MAP3K21: variants seen among roughly 807,000 people sequenced by gnomAD.
MAP3K21 encodes mitogen-activated protein kinase kinase kinase MLK4.
MAP3K21 carries 63 observed loss-of-function variants against 86.1 expected under a neutral mutation model. The ratio of observed to expected loss-of-function variants is 0.73; its 90% CI spans 0.60 to 0.90. The LOEUF is 0.90. Among genes scored for constraint, MAP3K21 ranks in the 40% least tolerant of loss-of-function variants. MAP3K21 has a pLI of 0.00. For missense variants in MAP3K21, 1,220 were observed against 1,367.7 expected (o/e 0.89, Z 1.70); for synonymous variants, 558 against 564.8 (o/e 0.99, Z 0.17).
chr1:233,372,192 G>T, intron 6 of MAP3K21, 32 bp downstream of exon 6: 3 of 1,610,728 alleles, frequency 1.9e-6, no homozygotes, highest in Non-Finnish European at 1.7e-6. Context: ...GGGGGCTCCT[G>T]TGTTGACTTC....
Position 233,355,017 on chromosome 1 carries a change from A to G in MAP3K21, c.1311+6A>G. The G allele has an allele frequency of 1.2e-6, 2 of 1,602,852 alleles. No individual in the cohort carries two copies. Among genetic ancestry groups the G allele is most frequent in the Non-Finnish European group, 1.7e-6 (2 of 1,171,588 alleles). ...AGTTGAGAACAAAGGAAAAGGTGAG[A>G]GAAATTTTTAAACAGCATAATGTAC... On this transcript the variant is annotated splice_donor_region_variant and intron_variant, in intron 4 of 9. Coordinates refer to ENST00000366624, the MANE Select transcript of MAP3K21 (RefSeq NM_032435.3).
intron 5 of MAP3K21, among the ~76,000 whole-genome samples, chr1:233,362,498 C>T (rs941398329): frequency 6.6e-6 from 1 of 152,102 alleles, no homozygotes; most frequent in Non-Finnish European, 1.5e-5. Context: ...ATTAGGAGCA[C>T]GTGGTAGTCA....
rs1228053698 is a variant in MAP3K21, at chr1:233,349,065, CA to C, written c.986+2444del. Among the ~76,000 whole-genome samples the C allele has an allele frequency of 3.3e-5, 5 of 152,236 alleles. No individual in the cohort carries two copies. In the South Asian group the frequency reaches 1.0e-3, roughly 32 times the overall value. On this transcript the variant is annotated intron_variant, in intron 2 of 9. Coordinates refer to ENST00000366624, the MANE Select transcript of MAP3K21 (RefSeq NM_032435.3). The stretch of plus-strand genomic sequence containing the variant: ...TACTTAAAGCTTCTAAGAAATTTAT[CA>C]GTTGGATCAGGGTTCTATAGTGTCT...
In MAP3K21 at chr1:233,346,545, C is replaced by G; in HGVS notation, c.909C>G (p.Ser303Arg). 6.2e-7 allele frequency: 1 copy of G among 1,613,966 alleles called. No individual in the cohort carries two copies. Among genetic ancestry groups the G allele is most frequent in the South Asian group, 1.1e-5 (1 of 91,068 alleles). ...AREWHRTTKMSTAGTYAWMAP... is the reference protein window; with the variant it reads ...AREWHRTTKMRTAGTYAWMAP... ...AATGGCACAGGACCACCAAAATGAG[C>G]ACAGCAGGCACCTATGCCTGGATGG... The change falls in exon 2 of 10, where the codon AGC becomes AGG. Residue 303 changes from serine (S) to arginine (R), a missense_variant. By Grantham distance (110) the Ser-to-Arg change is moderately radical. This residue lies in a region of MAP3K21 where 89 missense variants were observed against 144.8 expected (regional missense o/e 0.61). Transcript: ENST00000366624.
At chr1:233,338,036 G>C (rs1034790811) in intron 1 of MAP3K21, among the ~76,000 whole-genome samples, 2 of 152,138 alleles carry the variant, frequency 1.3e-5, no homozygotes, top group African/African-American at 4.8e-5. Context: ...AAAGATTTCT[G>C]CCTCAGTATG....
At chr1:233,377,705 C>T (rs967406177) in intron 8 of MAP3K21, among the ~76,000 whole-genome samples, 3 of 152,138 alleles carry the variant, frequency 2.0e-5, no homozygotes, top group Non-Finnish European at 2.9e-5. Flanking sequence ...ATGATCCAAG[C>T]GCATTACATT....
intron 1 of MAP3K21, among the ~76,000 whole-genome samples, chr1:233,335,733 T>C (rs1662899479): frequency 6.6e-6 from 1 of 152,216 alleles, no homozygotes. Flanking sequence ...AATTAATATT[T>C]ATCATATTAG....
At chr1:233,352,526 GT>G (rs1343788971) in intron 2 of MAP3K21, among the ~76,000 whole-genome samples, 1 of 151,936 alleles carries the variant, frequency 6.6e-6, no homozygotes, top group Non-Finnish European at 1.5e-5. Context: ...TGCCTCTGAG[GT>G]TCAAGTGATT....
chr1:233,355,935 C>CT (rs932474532), intron 4 of MAP3K21, among the ~76,000 whole-genome samples: 4 of 152,160 alleles, frequency 2.6e-5, no homozygotes, highest in Admixed American at 2.0e-4. Context: ...CCATTGCCCA[C>CT]TTTTTTGCCA....
At chr1:233,338,956 G>A (rs1490127800) in intron 1 of MAP3K21, among the ~76,000 whole-genome samples, 1 of 152,226 alleles carries the variant, frequency 6.6e-6, no homozygotes, top group East Asian at 1.9e-4. Context: ...TATCTAGGGA[G>A]TGAGTGTAAA....
intron 1 of MAP3K21, among the ~76,000 whole-genome samples, chr1:233,332,428 TTCCA>T (rs1662824665): frequency 6.6e-6 from 1 of 151,940 alleles, no homozygotes; most frequent in Non-Finnish European, 1.5e-5. Flanking sequence ...AAAATGAGCC[TTCCA>T]TATTGGAGGC....
intron 2 of MAP3K21, among the ~76,000 whole-genome samples, chr1:233,349,516 G>GA (rs1161826278): frequency 1.3e-5 from 2 of 152,014 alleles, no homozygotes; most frequent in African/African-American, 4.8e-5. Flanking sequence ...AAGCAGAAGA[G>GA]AAAAAAAGGA....
At chr1:233,375,697 T>A (rs1663780726) in intron 6 of MAP3K21, 1 of 512,314 alleles carries the variant, frequency 2.0e-6, no homozygotes, top group Non-Finnish European at 3.4e-6. Context: ...TACCTCGAAT[T>A]TGTATCTTTT....
intron 6 of MAP3K21, chr1:233,374,247 C>T (rs2102765744): frequency 6.6e-6 from 1 of 151,988 alleles, no homozygotes; most frequent in Admixed American, 6.6e-5. Context: ...GCCATCTCGG[C>T]TCACTGCAAC....
In MAP3K21 at chr1:233,372,158, AGTGTGAGCTTT is replaced by A; in HGVS notation, c.1674_1675+9del. The A allele has an allele frequency of 6.2e-7, 1 of 1,613,912 alleles. No individual in the cohort carries two copies. The highest frequency in any genetic ancestry group is 8.5e-7 in the Non-Finnish European group (1 of 1,179,878). On this transcript the variant is annotated splice_donor_variant and splice_donor_5th_base_variant and coding_sequence_variant and intron_variant, in exon 6 of 10. Coordinates refer to ENST00000366624, the MANE Select transcript of MAP3K21 (RefSeq NM_032435.3). LOFTEE classifies it high-confidence loss of function. Reference sequence around the variant, plus strand: ...ATGATGCCCCGACTCCGAGCCATACAGTGTGAGCTTTCTGCACTGCCACGGGGGCTCCTGTG... The same window carrying A: ...ATGATGCCCCGACTCCGAGCCATACACTGCACTGCCACGGGGGCTCCTGTG...
chr1:233,382,215 G>T, intron 9 of MAP3K21, 90 bp from the exon 10 acceptor site: 1 of 1,135,106 alleles, frequency 8.8e-7, no homozygotes. Context: ...TCACTTTGTT[G>T]AATTGCCATC....
intron 1 of MAP3K21, among the ~76,000 whole-genome samples, chr1:233,345,833 C>T (rs563289738): frequency 2.0e-5 from 3 of 152,004 alleles, no homozygotes; most frequent in East Asian, 1.9e-4. Context: ...GCTTCACTCC[C>T]GGGAGTTCCC....
chr1:233,377,531 C>A (rs1378370911), intron 8 of MAP3K21, among the ~76,000 whole-genome samples: 2 of 152,028 alleles, frequency 1.3e-5, no homozygotes, highest in African/African-American at 2.4e-5. Flanking sequence ...AAAGAGGGTA[C>A]CCCAAACAAA....
Position 233,362,152 on chromosome 1 carries a change from G to C in MAP3K21, c.1411G>C (p.Glu471Gln). ...KRREQQLAER[E>Q]IDVLERELNI... ...GCGTGAGCAGCAGCTGGCAGAGCGC[G>C]AGATCGACGTGCTGGAGCGGGAACT... Residue 471 changes from glutamate (E) to glutamine (Q), a missense_variant, in exon 5 of 10, where the codon GAG (glutamate) becomes CAG (glutamine). Physicochemically the swap from Glu to Gln is conservative, Grantham distance 29 (BLOSUM62 2). Around this residue, in one of 5 missense-constraint regions of MAP3K21, gnomAD observed 4 missense variants for 18.6 expected, o/e 0.21. Transcript: ENST00000366624. 2 of 1,614,208 alleles carry C rather than the reference G, an allele frequency of 1.2e-6. No homozygotes were observed. The highest frequency in any genetic ancestry group is 8.5e-7 in the Non-Finnish European group (1 of 1,180,042).
Sources: allele counts gnomAD v4.1 joint callset (sites outside exome capture counted in the v4.1 genomes callset), GRCh38; gene constraint gnomAD v4.1.1; regional missense constraint gnomAD v4.1.1; transcripts MANE v1.5; gene names NCBI Gene and HGNC (gene_info 2026-07-23, HGNC 2026-07-21).